The following LTBP1 variants were observed in gnomAD, a reference collection of about 807,000 sequenced individuals.
LTBP1 encodes latent-transforming growth factor beta-binding protein 1.
In LTBP1, 129 loss-of-function variants were observed where a neutral mutation model predicts 207.6. The observed-to-expected ratio is 0.62, with a 90% CI of 0.54 to 0.72. The LOEUF is 0.72. Among genes scored for constraint, LTBP1 ranks in the 30% least tolerant of loss-of-function variants. LTBP1 has a pLI of 0.00. For synonymous variants in LTBP1, 963 were observed against 833.7 expected, an observed-to-expected ratio of 1.16 and a Z score of -2.67; for missense variants, 2,281 against 2,217.2, an observed-to-expected ratio of 1.03 and a Z score of -0.58.
At chr2:33,149,228 C>CAAAAAAAAAAAAAAAAAAAAAA (rs58303103) in intron 5 of LTBP1, among the ~76,000 whole-genome samples, 1 of 82,784 alleles carries the variant, frequency 1.2e-5, no homozygotes, top group Non-Finnish European at 2.2e-5. Context: ...CACAAAAAAA[C>CAAAAAAAAAAAAAAAAAAAAAA]AAAAAAAAAA....
intron 2 of LTBP1, among the ~76,000 whole-genome samples, chr2:32,949,852 A>G (rs918278500): frequency 2.0e-5 from 3 of 152,192 alleles, no homozygotes; most frequent in African/African-American, 7.2e-5. Flanking sequence ...TTGTTTGTTG[A>G]AAATGTCTTC....
intron 7 of LTBP1, among the ~76,000 whole-genome samples, chr2:33,201,210 A>G (rs1196427921): frequency 6.6e-6 from 1 of 152,208 alleles, no homozygotes; most frequent in Non-Finnish European, 1.5e-5. Flanking sequence ...CACAATAGCA[A>G]AGACTTGGAA....
At chr2:33,389,491 G>A (rs1343427647) in intron 32 of LTBP1, among the ~76,000 whole-genome samples, 185 bp downstream of exon 32, 2 of 152,034 alleles carry the variant, frequency 1.3e-5, no homozygotes, top group Non-Finnish European at 2.9e-5. Context: ...TTCTGCGTGG[G>A]TGAGTCTAAG....
chr2:33,221,292 G>T (rs149200904), intron 8 of LTBP1, among the ~76,000 whole-genome samples: 124 of 152,258 alleles, frequency 8.1e-4, no homozygotes, highest in Non-Finnish European at 1.5e-3. Flanking sequence ...TAGAATTTCT[G>T]TGTGAAACCC....
At chr2:33,310,306 A>G (rs1441821355) in intron 23 of LTBP1, among the ~76,000 whole-genome samples, 2 of 152,174 alleles carry the variant, frequency 1.3e-5, no homozygotes, top group African/African-American at 4.8e-5. Context: ...ATCATGAAGA[A>G]GAGGATCTTA....
intron 7 of LTBP1, among the ~76,000 whole-genome samples, chr2:33,213,559 G>A (rs1163019882): frequency 6.6e-6 from 1 of 152,170 alleles, no homozygotes; most frequent in Non-Finnish European, 1.5e-5. Flanking sequence ...GGAGAGAGAA[G>A]ATCTTTCCTC....
At chr2:33,215,724 T>TTG (rs1553456694) in intron 7 of LTBP1, among the ~76,000 whole-genome samples, 4 of 132,900 alleles carry the variant, frequency 3.0e-5, no homozygotes, top group African/African-American at 1.2e-4. Context: ...TTGTTTTTTG[T>TTG]TTTTTTTTTT....
At chr2:33,232,979 T>C (rs1021312576) in intron 9 of LTBP1, among the ~76,000 whole-genome samples, 2 of 152,164 alleles carry the variant, frequency 1.3e-5, no homozygotes, top group Non-Finnish European at 2.9e-5. Context: ...TTTCTCTCTT[T>C]TGAGATAATC....
intron 3 of LTBP1, among the ~76,000 whole-genome samples, chr2:33,031,743 A>G (rs1484178407): frequency 1.3e-5 from 2 of 152,224 alleles, no homozygotes; most frequent in African/African-American, 4.8e-5. Context: ...TGGGGATTGA[A>G]GAATAGCAGG....
intron 2 of LTBP1, among the ~76,000 whole-genome samples, chr2:32,989,207 A>G (rs1015329540): frequency 6.6e-6 from 1 of 152,210 alleles, no homozygotes; most frequent in Non-Finnish European, 1.5e-5. Flanking sequence ...TAAAATGAAC[A>G]TGTGTGAGAT....
chr2:33,127,585 A>G lies in LTBP1; in HGVS notation c.1034-7208A>G, dbSNP rs540682206. ...CATTCTCTCTTCCAGTCCTAAAAAGAGAATCACCAGGTGGGACATTTGTTA... is the reference window on the plus strand; with the variant it reads ...CATTCTCTCTTCCAGTCCTAAAAAGGGAATCACCAGGTGGGACATTTGTTA... On this transcript the variant is annotated intron_variant, in intron 4 of 33. Transcript: ENST00000404816. 1.4e-3 allele frequency among the ~76,000 whole-genome samples: 219 copies of G among 152,312 alleles called. 1 individual carries two copies. The highest frequency in any genetic ancestry group is 2.5e-3 in the Non-Finnish European group (167 of 68,030).
At chr2:33,208,301 A>G (rs2090028548) in intron 7 of LTBP1, among the ~76,000 whole-genome samples, 1 of 152,206 alleles carries the variant, frequency 6.6e-6, no homozygotes, top group Non-Finnish European at 1.5e-5. Flanking sequence ...CAGTACACCC[A>G]AGATCTGCAT....
chr2:33,382,917 C>T (rs1056090818), intron 31 of LTBP1, among the ~76,000 whole-genome samples: 3 of 152,182 alleles, frequency 2.0e-5, no homozygotes, highest in Non-Finnish European at 1.5e-5. Context: ...AGGACAGACA[C>T]CCAGGCAGAC....
At position 33,293,287 on chromosome 2, in the gene LTBP1, A is replaced by T; in HGVS notation, c.3235+5A>T. ...CGGACCACAAGCACTGTAGAGGTAA[A>T]TACTGTGATCAAGTTTCCCATTTTT... On this transcript the variant is annotated splice_donor_5th_base_variant and intron_variant, in intron 20 of 33. Transcript: ENST00000404816. 1 of 1,589,484 alleles carries T rather than the reference A, an allele frequency of 6.3e-7. No homozygotes were observed. The highest frequency in any genetic ancestry group is 8.5e-7 in the Non-Finnish European group (1 of 1,173,100).
At chr2:33,050,841 C>G (rs2076700396) in intron 3 of LTBP1, among the ~76,000 whole-genome samples, 1 of 151,708 alleles carries the variant, frequency 6.6e-6, no homozygotes, top group African/African-American at 2.4e-5. Context: ...TCAAGCGATT[C>G]TCCTGCCTCA....
At chr2:33,397,110 A>T (rs1162082904) in intron 32 of LTBP1, 23 bp from the exon 33 acceptor site, 1 of 1,608,746 alleles carries the variant, frequency 6.2e-7, no homozygotes, top group African/African-American at 1.3e-5. Flanking sequence ...GCTCTAACTT[A>T]GCTTCTGCCC....
intron 5 of LTBP1, among the ~76,000 whole-genome samples, chr2:33,179,915 C>T (rs867107535): frequency 6.6e-6 from 1 of 152,126 alleles, no homozygotes; most frequent in Non-Finnish European, 1.5e-5. Context: ...GAACAGGAAT[C>T]GGGCCTGTGT....
chr2:33,394,680 G>T (rs527540435), intron 32 of LTBP1, among the ~76,000 whole-genome samples: 65 of 152,192 alleles, frequency 4.3e-4, no homozygotes, highest in African/African-American at 1.5e-3. Flanking sequence ...GTTTTGGTAC[G>T]AGCATCATGC....
chr2:33,383,685 C>T (rs1196052767), intron 31 of LTBP1, among the ~76,000 whole-genome samples: 3 of 152,048 alleles, frequency 2.0e-5, no homozygotes, highest in African/African-American at 7.2e-5. Flanking sequence ...CTCAGTGTGC[C>T]GCTATGCCCA....
Sources: allele counts gnomAD v4.1 joint callset (sites outside exome capture counted in the v4.1 genomes callset), GRCh38; gene constraint gnomAD v4.1.1; transcripts MANE v1.5; gene names NCBI Gene and HGNC (gene_info 2026-07-23, HGNC 2026-07-21).